The following CLCC1 variants were observed in gnomAD, a reference collection of about 807,000 sequenced individuals.
CLCC1 encodes chloride channel CLIC-like protein 1.
Under a neutral mutation model 63.3 loss-of-function variants are expected in CLCC1, and 39 were observed. The observed-to-expected ratio is 0.62, with a 90% CI of 0.48 to 0.81. CLCC1 has a LOEUF of 0.81. Among genes scored for constraint, CLCC1 ranks in the 30% least tolerant of loss-of-function variants. CLCC1 has a pLI of 0.00. For synonymous variants in CLCC1, 217 were observed against 239.8 expected (o/e 0.90, Z 0.88); for missense variants, 549 against 669.4 (o/e 0.82, Z 1.98).
chr1:108,943,504 A>G lies in CLCC1; in HGVS notation c.673T>C (p.Leu225=). ...RVLIISFLFS[L]GWNWMYLYKL... ...TATAAATACATCCAATTCCATCCCA[A>G]ACTGAACAGAAAGCTGATGATTAAA... Residue 225 remains leucine (L), a synonymous_variant, in exon 7 of 13, where the codon TTG becomes CTG. Coordinates refer to ENST00000369969, the MANE Select transcript of CLCC1 (RefSeq NM_001377458.1). The G allele has an allele frequency of 6.2e-7, 1 of 1,614,104 alleles. No homozygotes were observed. Among genetic ancestry groups the G allele is most frequent in the Non-Finnish European group, 8.5e-7 (1 of 1,179,984 alleles).
In CLCC1 at chr1:108,956,882, AGGGAGGCG is replaced by A. The variant is rs1553223046; in HGVS notation, c.-12+5419_-12+5426del. Among the ~76,000 whole-genome samples, 43 of 104,456 alleles carry A rather than the reference AGGGAGGCG, an allele frequency of 4.1e-4. 1 individual carries two copies. Among genetic ancestry groups the A allele is most frequent in the African/African-American group, 1.3e-3 (31 of 24,442 alleles). The allele number at this position is 104,456 out of a possible 152,430, so 68.5% of individuals were successfully genotyped here. A position where few individuals can be genotyped will look rare whatever the true frequency, so the allele number is the denominator to read the frequency against. ...GGGTCTTGGGAATGAGCTGGGAGGC[AGGGAGGCG>A]GGGAGGCGGGGAGGCGGGGAGGGAG... On this transcript the variant is annotated intron_variant, in intron 2 of 12. Transcript: ENST00000369969.
chr1:108,956,111 G>A lies in CLCC1; in HGVS notation c.-11-5663C>T, dbSNP rs930297338. 4.6e-5 allele frequency among the ~76,000 whole-genome samples: 7 copies of A among 151,414 alleles called. 2 individuals carry two copies. Among genetic ancestry groups the A allele is most frequent in the African/African-American group, 1.7e-4 (7 of 40,698 alleles). On this transcript the variant is annotated intron_variant, in intron 2 of 12. Coordinates refer to ENST00000369969, the MANE Select transcript of CLCC1 (RefSeq NM_001377458.1). ...ATGTTTGTGGGAACACGCCCCTCTT[G>A]GAAGCCAGCTGCCACCTTGTAAGAA...
chr1:108,936,157 A>G (rs939554268), intron 11 of CLCC1, among the ~76,000 whole-genome samples: 13 of 137,574 alleles, frequency 9.4e-5, no homozygotes, highest in African/African-American at 3.7e-4. Context: ...CAATGGCACG[A>G]TCTCGGCTCA....
intron 7 of CLCC1, 41 bp downstream of exon 7, chr1:108,943,434 T>G (rs766839697): frequency 6.3e-7 from 1 of 1,587,256 alleles, no homozygotes; most frequent in Admixed American, 1.7e-5. Flanking sequence ...TCATTGTGAA[T>G]AAATGTGTTA....
intron 2 of CLCC1, among the ~76,000 whole-genome samples, chr1:108,958,658 C>A (rs1299120017): frequency 6.8e-6 from 1 of 147,252 alleles, no homozygotes; most frequent in Admixed American, 6.7e-5. Flanking sequence ...GCAGGCGGAT[C>A]ACTTGAGCCC....
intron 3 of CLCC1, 39 bp from the exon 4 acceptor site, chr1:108,949,960 T>G (rs1463906803): frequency 7.9e-7 from 1 of 1,270,842 alleles, no homozygotes; most frequent in East Asian, 2.4e-5. Context: ...TCTTTATAGT[T>G]TAGTTACAAA....
At chr1:108,938,936 A>T (rs1451693027) in intron 10 of CLCC1, among the ~76,000 whole-genome samples, 1 of 152,104 alleles carries the variant, frequency 6.6e-6, no homozygotes, top group South Asian at 2.1e-4. Context: ...TATACAAGTA[A>T]GTATAATATG....
At chr1:108,948,158 A>G (rs1320684514) in intron 4 of CLCC1, among the ~76,000 whole-genome samples, 2 of 152,240 alleles carry the variant, frequency 1.3e-5, no homozygotes, top group Non-Finnish European at 2.9e-5. Context: ...AGATGAAGCC[A>G]GACGATGAAA....
At chr1:108,955,937 G>A (rs1655827814) in intron 2 of CLCC1, among the ~76,000 whole-genome samples, 1 of 151,470 alleles carries the variant, frequency 6.6e-6, no homozygotes, top group South Asian at 2.1e-4. Context: ...CCAGGCTACT[G>A]GCCTTCCAGG....
At chr1:108,935,060 C>T in intron 11 of CLCC1, 118 bp from the exon 12 acceptor site, 1 of 937,198 alleles carries the variant, frequency 1.1e-6, no homozygotes, top group South Asian at 1.8e-5. Context: ...TCTTTCAAAT[C>T]CAGGGTCCAG....
intron 11 of CLCC1, 81 bp downstream of exon 11, chr1:108,936,996 A>G: frequency 2.0e-6 from 2 of 1,005,142 alleles, no homozygotes; most frequent in Non-Finnish European, 2.7e-6. Flanking sequence ...GGGGTAAAAG[A>G]GTAAAAACAA....
At chr1:108,943,742 C>T (rs1219370423) in intron 6 of CLCC1, 94 bp downstream of exon 6, 7 of 1,424,170 alleles carry the variant, frequency 4.9e-6, no homozygotes, top group African/African-American at 2.9e-5. Flanking sequence ...TATAAGTGAC[C>T]TAGTACAGGT....
rs1455627253 is a variant in CLCC1, at chr1:108,937,193, A to G, written c.1267T>C (p.Leu423=). The change falls in exon 11 of 13, where the codon TTG becomes CTG. Residue 423 remains leucine (L), a synonymous_variant. Transcript: ENST00000369969. ...CTCAAGTCAACATCTCTCTCTCTCA[A>G]AATCTCTCTTCTACCCTCATACGTT... ...AKTYEGRREI[L]RERDVDLRFQ... is the part of the protein sequence containing the mutation. 6.3e-7 allele frequency: 1 copy of G among 1,599,136 alleles called. No homozygotes were observed.
chr1:108,938,645 T>A (rs1297207401), intron 10 of CLCC1, among the ~76,000 whole-genome samples: 1 of 152,218 alleles, frequency 6.6e-6, no homozygotes, highest in African/African-American at 2.4e-5. Flanking sequence ...GTAATATTTC[T>A]TCTTAATGTC....
At chr1:108,950,220 T>C (rs1655014234) in intron 3 of CLCC1, 89 bp downstream of exon 3, 1 of 1,302,418 alleles carries the variant, frequency 7.7e-7, no homozygotes. Flanking sequence ...TCCATGACCC[T>C]CATAGCTCTG....
At chr1:108,933,173 CGTAA>C (rs1344462059) in intron 12 of CLCC1, 5 of 130,176 alleles carry the variant, frequency 3.8e-5, no homozygotes, top group African/African-American at 1.2e-4. Flanking sequence ...GTTACAGGCA[CGTAA>C]GTAACACTTC....
chr1:108,963,136 C>T (rs1488667125), intron 1 of CLCC1, among the ~76,000 whole-genome samples: 1 of 152,248 alleles, frequency 6.6e-6, no homozygotes, highest in Non-Finnish European at 1.5e-5. Context: ...CTCCCCGGAA[C>T]GCGCGCAACC....
chr1:108,947,543 A>G (rs1654695762), intron 5 of CLCC1, 68 bp downstream of exon 5: 2 of 914,502 alleles, frequency 2.2e-6, no homozygotes, highest in Non-Finnish European at 3.2e-6. Context: ...TCACTTCTTC[A>G]TATTATTTGA....
chr1:108,947,023 G>C (rs184673853), intron 5 of CLCC1, among the ~76,000 whole-genome samples: 27 of 152,166 alleles, frequency 1.8e-4, no homozygotes, highest in African/African-American at 5.5e-4. Context: ...AATTAGCCAG[G>C]CATGGTGGCA....
Sources: allele counts gnomAD v4.1 joint callset (sites outside exome capture counted in the v4.1 genomes callset), GRCh38; gene constraint gnomAD v4.1.1; transcripts MANE v1.5; gene names NCBI Gene and HGNC (gene_info 2026-07-23, HGNC 2026-07-21).